SEMA3A: variants seen among roughly 807,000 people sequenced by gnomAD.
SEMA3A encodes the protein semaphorin-3A.
Under a neutral mutation model 97.9 loss-of-function variants are expected in SEMA3A, and 29 were observed. The observed-to-expected ratio is 0.30, with a 90% CI of 0.22 to 0.40. SEMA3A has a LOEUF of 0.40. SEMA3A is among the 10% of genes least tolerant of loss of function. The probability of loss-of-function intolerance (pLI) is 1.00; values close to 1 mark genes in which losing one functional copy is unlikely to be tolerated. For synonymous variants in SEMA3A, 321 were observed against 323.7 expected (o/e 0.99, Z 0.09); for missense variants, 763 against 951.3 (o/e 0.80, Z 2.60).
In SEMA3A at chr7:84,007,477, G is replaced by A; in HGVS notation, c.1016C>T (p.Ala339Val). Residue 339 changes from alanine to valine, a missense_variant, in exon 10 of 17, where the codon GCC becomes GTC. Around this residue, in one of 2 missense-constraint regions of SEMA3A, gnomAD observed 678 missense variants for 881.3 expected, o/e 0.77. Coordinates refer to ENST00000265362, the MANE Select transcript of SEMA3A (RefSeq NM_006080.3). ...ATCACTCATGCTATACATACACACGGCTGATCCCTTGAAAATGTTACTGAA... is the reference window on the plus strand; with the variant it reads ...ATCACTCATGCTATACATACACACGACTGATCCCTTGAAAATGTTACTGAA... ...TTSSNIFKGS[A>V]VCMYSMSDVR... 1.3e-6 allele frequency: 2 copies of A among 1,578,906 alleles called. No individual in the cohort carries two copies. The highest frequency in any genetic ancestry group is 1.7e-6 in the Non-Finnish European group (2 of 1,162,354).
intron 2 of SEMA3A, among the ~76,000 whole-genome samples, chr7:84,318,413 C>T (rs1327345279): frequency 6.8e-6 from 1 of 147,604 alleles, no homozygotes; most frequent in East Asian, 2.0e-4. Flanking sequence ...AGCTCCGCCT[C>T]CCGGGTTCAC....
intron 2 of SEMA3A, among the ~76,000 whole-genome samples, chr7:84,336,589 C>G (rs989644794): frequency 2.0e-5 from 3 of 152,048 alleles, no homozygotes; most frequent in Non-Finnish European, 4.4e-5. Context: ...TATCTACATA[C>G]AGTAGGACAG....
intron 3 of SEMA3A, among the ~76,000 whole-genome samples, chr7:84,262,159 T>C (rs1330622322): frequency 6.6e-6 from 1 of 152,188 alleles, no homozygotes; most frequent in Non-Finnish European, 1.5e-5. Context: ...AGGTATACTT[T>C]TAACTGGTGG....
intron 1 of SEMA3A, among the ~76,000 whole-genome samples, chr7:84,399,062 C>T (rs1431481927): frequency 6.6e-6 from 1 of 152,132 alleles, no homozygotes; most frequent in Non-Finnish European, 1.5e-5. Flanking sequence ...CTTGAACAGC[C>T]TATACCACAC....
At chr7:83,992,527 G>C (rs557055805) in intron 12 of SEMA3A, among the ~76,000 whole-genome samples, 10 of 152,004 alleles carry the variant, frequency 6.6e-5, no homozygotes, top group East Asian at 1.9e-4. Flanking sequence ...TGTCTTTGTT[G>C]TTGTTGGTTT....
chr7:84,242,779 A>C lies in SEMA3A; in HGVS notation c.-82-48111T>G, dbSNP rs529817678. ...TGATATGGGCTGTGGGTTTGTCATA[A>C]ATAGCTCTCATTATTTTGAGATATG... On this transcript the variant is annotated intron_variant, in intron 3 of 3. Transcript: ENST00000424555. 2.0e-5 allele frequency among the ~76,000 whole-genome samples: 3 copies of C among 152,258 alleles called. No homozygotes were observed. The South Asian group carries it at 6.2e-4, about 32-fold the overall frequency.
At position 84,179,863 on chromosome 7, in the gene SEMA3A, TAAC is replaced by T. The variant is rs976601384; in HGVS notation, c.112+14609_112+14611del. 4.0e-5 allele frequency among the ~76,000 whole-genome samples: 6 copies of T among 149,042 alleles called. No homozygotes were observed. The East Asian group carries it at 9.9e-4, about 25-fold the overall frequency. ...TACCCCGGACCCCTATACCAAATTGTAACAACAACAACATACAAACACTCACAT... is the reference window on the plus strand; with the variant it reads ...TACCCCGGACCCCTATACCAAATTGTAACAACAACATACAAACACTCACAT... On this transcript the variant is annotated intron_variant, in intron 1 of 16. Transcript: ENST00000265362.
intron 6 of SEMA3A, among the ~76,000 whole-genome samples, chr7:84,033,671 C>A (rs1028988793): frequency 6.6e-6 from 1 of 152,080 alleles, no homozygotes; most frequent in Non-Finnish European, 1.5e-5. Context: ...GGAACAAAAA[C>A]CACTTTTATG....
chr7:84,360,278 T>G (rs1275983362), intron 2 of SEMA3A, among the ~76,000 whole-genome samples: 2 of 152,160 alleles, frequency 1.3e-5, no homozygotes, highest in Non-Finnish European at 2.9e-5. Context: ...GGGCATTTAG[T>G]GCTATAAATT....
At chr7:84,488,134 TAA>T (rs897914958) in intron 1 of SEMA3A, among the ~76,000 whole-genome samples, 4 of 152,088 alleles carry the variant, frequency 2.6e-5, no homozygotes, top group Non-Finnish European at 1.5e-5. Context: ...ATAAAAGATA[TAA>T]GTTTTTTTGT....
chr7:84,126,532 G>C (rs1360412554), intron 3 of SEMA3A, among the ~76,000 whole-genome samples: 1 of 152,094 alleles, frequency 6.6e-6, no homozygotes, highest in Non-Finnish European at 1.5e-5. Flanking sequence ...TACTTACACT[G>C]TTGATGAGCC....
At chr7:84,315,917 CT>C (rs1413677327) in intron 2 of SEMA3A, among the ~76,000 whole-genome samples, 1 of 151,308 alleles carries the variant, frequency 6.6e-6, no homozygotes, top group African/African-American at 2.4e-5. Context: ...ATTTTATGTA[CT>C]TTTTGTATTA....
At chr7:84,296,978 T>C (rs1377558539) in intron 3 of SEMA3A, among the ~76,000 whole-genome samples, 1 of 152,258 alleles carries the variant, frequency 6.6e-6, no homozygotes, top group East Asian at 1.9e-4. Flanking sequence ...CTGAGATTTA[T>C]TTTTATTTTT....
chr7:84,236,438 C>T (rs780395217), intron 3 of SEMA3A, among the ~76,000 whole-genome samples: 10 of 152,024 alleles, frequency 6.6e-5, no homozygotes, highest in South Asian at 4.1e-4. Flanking sequence ...AGTATTAATT[C>T]GCTAAAATTC....
At chr7:84,488,891 G>T (rs1806650669) in intron 1 of SEMA3A, among the ~76,000 whole-genome samples, 2 of 152,128 alleles carry the variant, frequency 1.3e-5, no homozygotes, top group African/African-American at 4.8e-5. Context: ...GATGGTCAGA[G>T]ATAAAGCTAA....
chr7:84,072,301 C>T (rs943584475), intron 4 of SEMA3A, among the ~76,000 whole-genome samples: 10 of 151,974 alleles, frequency 6.6e-5, no homozygotes, highest in African/African-American at 2.2e-4. Context: ...GGGTCAGCCT[C>T]ACTGATAGGC....
At chr7:84,463,441 G>A (rs1032822698) in intron 1 of SEMA3A, among the ~76,000 whole-genome samples, 3 of 151,488 alleles carry the variant, frequency 2.0e-5, no homozygotes, top group Non-Finnish European at 4.4e-5. Context: ...GTAGAGACGG[G>A]GTTTCACCGT....
Position 83,994,365 on chromosome 7 carries a change from G to A in SEMA3A, c.1452+7590C>T, listed in dbSNP as rs1790107335. Among the ~76,000 whole-genome samples the A allele has an allele frequency of 1.7e-5, 2 of 118,950 alleles. 1 individual carries two copies. Among genetic ancestry groups the A allele is most frequent in the African/African-American group, 6.2e-5 (2 of 32,042 alleles). The allele number at this position is 118,950 out of a possible 152,430, so 78.0% of individuals were successfully genotyped here. A position where few individuals can be genotyped will look rare whatever the true frequency, so the allele number is the denominator to read the frequency against. ...TTTGTTCCGTTGCTGGTGAGGAACT[G>A]CGTTCCTTGGGAGGAGGAGAGGTGC... On this transcript the variant is annotated intron_variant, in intron 12 of 16. Coordinates refer to ENST00000265362, the MANE Select transcript of SEMA3A (RefSeq NM_006080.3).
intron 4 of SEMA3A, among the ~76,000 whole-genome samples, chr7:84,093,215 T>C (rs557752023): frequency 6.6e-6 from 1 of 152,304 alleles, no homozygotes; most frequent in East Asian, 1.9e-4. Context: ...ACTTGAGAGA[T>C]GAACAAATGG....
Sources: gnomAD v4.1 joint callset for allele counts (sites outside exome capture counted in the v4.1 genomes callset) on GRCh38, gnomAD v4.1.1 for gene constraint, gnomAD v4.1.1 regional missense constraint, MANE v1.5 for transcripts, NCBI Gene and HGNC (gene_info 2026-07-23, HGNC 2026-07-21) for gene names.